Variants in LIFR observed in about 807,000 individuals in gnomAD.
The protein encoded by LIFR is LIF receptor subunit alpha.
LIFR carries 84 observed loss-of-function variants against 122.2 expected under a neutral mutation model. The ratio of observed to expected loss-of-function variants is 0.69; its 90% CI spans 0.58 to 0.82. LIFR has a LOEUF of 0.82. LIFR is among the 40% of genes least tolerant of loss of function. The pLI is 0.00. For missense variants in LIFR, 1,294 were observed against 1,311.6 expected (o/e 0.99, Z 0.21); for synonymous variants, 422 against 434.7 (o/e 0.97, Z 0.36).
intron 5 of LIFR, among the ~76,000 whole-genome samples, chr5:38,515,015 T>G (rs1174178931): frequency 1.3e-5 from 2 of 152,138 alleles, no homozygotes; most frequent in Admixed American, 6.6e-5. Flanking sequence ...AGAGAACGAC[T>G]GGAGATTTGG....
intron 7 of LIFR, among the ~76,000 whole-genome samples, chr5:38,509,235 C>T (rs957238218): frequency 2.0e-5 from 3 of 152,168 alleles, no homozygotes; most frequent in African/African-American, 4.8e-5. Flanking sequence ...GTACTGCTCA[C>T]GAAGCAACTT....
At chr5:38,512,302 A>C (rs1008951226) in intron 5 of LIFR, among the ~76,000 whole-genome samples, 2 of 152,178 alleles carry the variant, frequency 1.3e-5, no homozygotes, top group Middle Eastern at 3.4e-3. Context: ...TATACTTCTC[A>C]GATGAGCATC....
At chr5:38,576,596 G>A (rs947796878) in intron 1 of LIFR, among the ~76,000 whole-genome samples, 2 of 152,168 alleles carry the variant, frequency 1.3e-5, no homozygotes, top group Non-Finnish European at 2.9e-5. Context: ...GACACCATCC[G>A]ATAAGCAAAC....
At chr5:38,575,654 G>A (rs999287586) in intron 1 of LIFR, among the ~76,000 whole-genome samples, 2 of 152,170 alleles carry the variant, frequency 1.3e-5, no homozygotes, top group East Asian at 1.9e-4. Flanking sequence ...ATGGGCAGCT[G>A]TGGTTTGGGG....
At chr5:38,515,788 G>T (rs1196171570) in intron 5 of LIFR, among the ~76,000 whole-genome samples, 1 of 152,056 alleles carries the variant, frequency 6.6e-6, no homozygotes, top group Non-Finnish European at 1.5e-5. Context: ...TTTGTGTGTG[G>T]GGGAGCAGTG....
intron 12 of LIFR, among the ~76,000 whole-genome samples, chr5:38,498,173 A>G (rs1441970753): frequency 1.3e-5 from 2 of 152,134 alleles, no homozygotes; most frequent in Non-Finnish European, 2.9e-5. Flanking sequence ...GGCCTGCTCT[A>G]AGGGGCAGGC....
intron 1 of LIFR, among the ~76,000 whole-genome samples, chr5:38,575,507 G>A (rs1013648586): frequency 1.3e-5 from 2 of 152,118 alleles, no homozygotes; most frequent in Middle Eastern, 3.2e-3. Flanking sequence ...GTTACCCACC[G>A]TTTGCCCAGA....
intron 1 of LIFR, among the ~76,000 whole-genome samples, chr5:38,591,528 T>G (rs1192171670): frequency 2.6e-5 from 4 of 152,228 alleles, no homozygotes; most frequent in African/African-American, 9.6e-5. Flanking sequence ...TTGTAGAATG[T>G]AGAATTTGGC....
intron 4 of LIFR, among the ~76,000 whole-genome samples, chr5:38,525,574 C>T (rs1370484436): frequency 1.3e-5 from 2 of 152,144 alleles, no homozygotes; most frequent in Non-Finnish European, 2.9e-5. Context: ...TAGGGCTGTA[C>T]AGGACACAGA....
chr5:38,545,644 C>T (rs1359741358), intron 1 of LIFR, among the ~76,000 whole-genome samples: 2 of 152,030 alleles, frequency 1.3e-5, no homozygotes, highest in East Asian at 1.9e-4. Flanking sequence ...GGGCGGATCA[C>T]GAGGTCAGGA....
chr5:38,555,395 T>C (rs1490915954), intron 1 of LIFR, among the ~76,000 whole-genome samples: 2 of 152,306 alleles, frequency 1.3e-5, no homozygotes, highest in Non-Finnish European at 1.5e-5. Flanking sequence ...TTAATTTCTG[T>C]ACCATTTCTG....
chr5:38,541,577 G>C (rs1580149735), intron 1 of LIFR, among the ~76,000 whole-genome samples: 1 of 152,194 alleles, frequency 6.6e-6, no homozygotes, highest in Non-Finnish European at 1.5e-5. Context: ...CTTACTCAGA[G>C]TGCTAATTCA....
chr5:38,586,593 A>G (rs1051867967), intron 1 of LIFR, among the ~76,000 whole-genome samples: 1 of 152,158 alleles, frequency 6.6e-6, no homozygotes, highest in Non-Finnish European at 1.5e-5. Flanking sequence ...TCCAAGTGCT[A>G]ACATGTAGAT....
chr5:38,491,079 G>C (rs566115683), intron 14 of LIFR, among the ~76,000 whole-genome samples: 53 of 152,256 alleles, frequency 3.5e-4, no homozygotes, highest in South Asian at 2.1e-3. Flanking sequence ...TGAAGCTTCA[G>C]TGTTAAAGGA....
rs566026193 is a variant in LIFR, at chr5:38,531,888, T to C, written c.-19-1222A>G. ...AAATAGCTTAATTATAACCATAACA[T>C]GCAAAAGGCGTGAGCACACATTTCA... is the stretch of plus-strand genomic sequence containing the variant. On this transcript the variant is annotated intron_variant, in intron 1 of 19. Transcript: ENST00000453190. 7.4e-4 allele frequency among the ~76,000 whole-genome samples: 113 copies of C among 152,320 alleles called. 1 individual carries two copies. The South Asian group carries it at 0.023, about 31-fold the overall frequency.
At chr5:38,543,045 G>A (rs1033721351) in intron 1 of LIFR, among the ~76,000 whole-genome samples, 1 of 152,000 alleles carries the variant, frequency 6.6e-6, no homozygotes, top group Non-Finnish European at 1.5e-5. Flanking sequence ...GGCTAAAAAA[G>A]ATGCTAAAGC....
upstream of LIFR, among the ~76,000 whole-genome samples, chr5:38,596,048 T>C (rs1750090575): frequency 2.0e-5 from 3 of 152,224 alleles, no homozygotes; most frequent in South Asian, 6.2e-4. Context: ...CAATAGGTAA[T>C]CTTAGCAGCC....
At chr5:38,577,814 A>G (rs552657835) in intron 1 of LIFR, among the ~76,000 whole-genome samples, 55 of 152,340 alleles carry the variant, frequency 3.6e-4, no homozygotes, top group Admixed American at 2.5e-3. Flanking sequence ...GTCACTTAGA[A>G]TCAGGCTTTT....
intron 5 of LIFR, among the ~76,000 whole-genome samples, chr5:38,519,770 A>T (rs1746303651): frequency 6.6e-6 from 1 of 152,178 alleles, no homozygotes; most frequent in Admixed American, 6.5e-5. Context: ...AGTGGCCTCC[A>T]GTTCCATCCT....
Sources: allele counts gnomAD v4.1 joint callset (sites outside exome capture counted in the v4.1 genomes callset), GRCh38; gene constraint gnomAD v4.1.1; transcripts MANE v1.5; gene names NCBI Gene and HGNC (gene_info 2026-07-23, HGNC 2026-07-21).